The following COL4A3 variants were observed in gnomAD, a reference collection of about 807,000 sequenced individuals.
The protein encoded by COL4A3 is collagen alpha-3(IV) chain.
A neutral mutation model predicts 217.4 loss-of-function variants in COL4A3; 135 were observed. The observed-to-expected ratio is 0.62, with a 90% CI of 0.54 to 0.72. The LOEUF (loss-of-function observed/expected upper bound fraction) is 0.72, where lower values mean the gene tolerates loss of function less well. Ranked by LOEUF, COL4A3 falls within the 30% of genes least tolerant of loss-of-function variation. COL4A3 has a pLI of 0.00. For synonymous variants in COL4A3, 690 were observed against 736.3 expected, an observed-to-expected ratio of 0.94 and a Z score of 1.02; for missense variants, 1,868 against 2,119.9, an observed-to-expected ratio of 0.88 and a Z score of 2.33.
chr2:227,231,870 A>G (rs2068425274), intron 1 of COL4A3, among the ~76,000 whole-genome samples: 1 of 151,722 alleles, frequency 6.6e-6, no homozygotes. Context: ...ATTATTGACT[A>G]TAATCACCCT....
chr2:227,202,651 T>C (rs111685116), intron 1 of COL4A3, among the ~76,000 whole-genome samples: 19,642 of 146,674 alleles, frequency 0.13, 1,424 homozygotes, highest in Non-Finnish European at 0.15. Context: ...AGGAGAATGG[T>C]GTGAACCCGG....
chr2:227,177,891 A>G (rs2065737039), intron 1 of COL4A3, among the ~76,000 whole-genome samples: 1 of 152,162 alleles, frequency 6.6e-6, no homozygotes, highest in Non-Finnish European at 1.5e-5. Flanking sequence ...TACTTTACTT[A>G]GCAATGGTTC....
intron 1 of COL4A3, among the ~76,000 whole-genome samples, chr2:227,170,389 A>G (rs1466654327): frequency 6.6e-6 from 1 of 152,134 alleles, no homozygotes; most frequent in Admixed American, 6.6e-5. Context: ...ATTTATGAAG[A>G]AAAAGAGGTT....
chr2:227,314,482 A>G lies in COL4A3; in HGVS notation c.*2612A>G, dbSNP rs1316458433. On this transcript the variant is annotated 3_prime_UTR_variant, in exon 52 of 52. Coordinates refer to ENST00000396578, the MANE Select transcript of COL4A3 (RefSeq NM_000091.5). ...GAATTTCACAGCGTGCTAAAATAAC[A>G]GATTTCTCAGAAGTCTTTCAGCAAG... The G allele has an allele frequency of 2.0e-5, 3 of 152,636 alleles. No individual in the cohort carries two copies. The highest frequency in any genetic ancestry group is 4.4e-5 in the Non-Finnish European group (3 of 68,030). The allele number at this position is 152,636 out of a possible 1,614,324, so 9.5% of individuals were successfully genotyped here. A position where few individuals can be genotyped will look rare whatever the true frequency, so the allele number is the denominator to read the frequency against.
intron 14 of COL4A3, 48 bp from the exon 15 acceptor site, chr2:227,254,607 TA>T: frequency 7.2e-7 from 1 of 1,381,294 alleles, no homozygotes; most frequent in Non-Finnish European, 1.0e-6. Flanking sequence ...TCAATGTAAG[TA>T]AAAAAATCAG....
chr2:227,254,204 T>A, intron 14 of COL4A3, 30 bp downstream of exon 14: 1 of 1,590,348 alleles, frequency 6.3e-7, no homozygotes, highest in South Asian at 1.1e-5. Flanking sequence ...ATTGTCCCCA[T>A]AACACATAAA....
In COL4A3 at chr2:227,308,883, T is replaced by C. The variant is rs755465030; in HGVS notation, c.4463-16T>C. 7.4e-6 allele frequency: 12 copies of C among 1,612,728 alleles called. No homozygotes were observed. Among genetic ancestry groups the C allele is most frequent in the African/African-American group, 1.3e-5 (1 of 74,934 alleles). ...TTAACTTACTGAAAGTGATACTCAG[T>C]CTGATGTTTCATTAGGAACTCTTGG... On this transcript the variant is annotated splice_polypyrimidine_tract_variant and intron_variant, in intron 48 of 51. Transcript: ENST00000396578.
intron 1 of COL4A3, among the ~76,000 whole-genome samples, chr2:227,226,991 G>A (rs2068131396): frequency 6.6e-6 from 1 of 152,118 alleles, no homozygotes; most frequent in Non-Finnish European, 1.5e-5. Context: ...GCAAACTTAT[G>A]GACATTGAGA....
intron 26 of COL4A3, among the ~76,000 whole-genome samples, chr2:227,274,238 A>AAAATAAATAAATAAATAAATAAATAAAT (rs57515255): frequency 2.0e-4 from 29 of 143,830 alleles, no homozygotes; most frequent in Non-Finnish European, 3.6e-4. Context: ...TACTGTCTCA[A>AAAATAAATAAATAAATAAATAAATAAAT]AAATAAATAA....
At chr2:227,297,414 T>A (rs1207667725) in intron 41 of COL4A3, among the ~76,000 whole-genome samples, 7 of 152,080 alleles carry the variant, frequency 4.6e-5, no homozygotes, top group Non-Finnish European at 7.4e-5. Context: ...AATAAGAAAA[T>A]CAAAATTTGT....
chr2:227,218,080 C>CTATATATATATATATA lies in COL4A3; in HGVS notation c.88-19881_88-19866dup, dbSNP rs10606625. 2.6e-3 allele frequency among the ~76,000 whole-genome samples: 303 copies of CTATATATATATATATA among 118,286 alleles called. 3 individuals are homozygous for CTATATATATATATATA. Among genetic ancestry groups the CTATATATATATATATA allele is most frequent in the Admixed American group, 7.9e-3 (87 of 11,076 alleles). The allele number at this position is 118,286 out of a possible 152,430, so 77.6% of individuals were successfully genotyped here. On this transcript the variant is annotated intron_variant, in intron 1 of 51. Coordinates refer to ENST00000396578, the MANE Select transcript of COL4A3 (RefSeq NM_000091.5). The stretch of plus-strand genomic sequence containing the variant: ...ATATATAAAATAACTATATATATAG[C>CTATATATATATATATA]TATATATATATATATATATATAGTT...
chr2:227,227,059 C>T (rs1274824882), intron 1 of COL4A3, among the ~76,000 whole-genome samples: 1 of 152,204 alleles, frequency 6.6e-6, no homozygotes, highest in Non-Finnish European at 1.5e-5. Flanking sequence ...AATTTTGTTT[C>T]AACCATGAAA....
Position 227,202,746 on chromosome 2 carries a change from A to AAT in COL4A3, c.88-35197_88-35196dup, listed in dbSNP as rs56134612. On this transcript the variant is annotated intron_variant, in intron 1 of 51. Transcript: ENST00000396578. ...CGAGAATCCGTCTCTAAAAAAAAAA[A>AAT]ATATATATATATATATATATATATA... Among the ~76,000 whole-genome samples, 138 of 22,180 alleles carry AAT rather than the reference A, an allele frequency of 6.2e-3. 5 individuals carry two copies. The highest frequency in any genetic ancestry group is 0.05 in the Middle Eastern group (2 of 40). The allele number at this position is 22,180 out of a possible 152,430, so 14.6% of individuals were successfully genotyped here.
At chr2:227,243,128 T>G (rs893059049) in intron 3 of COL4A3, among the ~76,000 whole-genome samples, 80 of 152,218 alleles carry the variant, frequency 5.3e-4, no homozygotes, top group African/African-American at 1.9e-3. Flanking sequence ...TCTTCAGCAT[T>G]TCTTTAGAGA....
rs2069201532 is a variant in COL4A3, at chr2:227,244,455, A to C, written c.279+91A>C. ...AATGTCAGAAAGGAGTACACTGTGT[A>C]TGGTTCCATAGATGAAGTTCAAGAA... On this transcript the variant is annotated intron_variant, in intron 4 of 51. Coordinates refer to ENST00000396578, the MANE Select transcript of COL4A3 (RefSeq NM_000091.5). The C allele has an allele frequency of 1.1e-5, 13 of 1,212,346 alleles. No individual in the cohort carries two copies. The South Asian group carries it at 1.6e-4, about 15-fold the overall frequency. The allele number at this position is 1,212,346 out of a possible 1,614,324, so 75.1% of individuals were successfully genotyped here.
At chr2:227,208,765 TACACACACACACACACACACACAC>T (rs60244094) in intron 1 of COL4A3, among the ~76,000 whole-genome samples, 1 of 138,490 alleles carries the variant, frequency 7.2e-6, no homozygotes, top group Non-Finnish European at 1.6e-5. Flanking sequence ...GGCGGTTGGT[TACACACACACACACACACACACAC>T]ACACACACAC....
intron 1 of COL4A3, among the ~76,000 whole-genome samples, chr2:227,199,892 G>A (rs1009836590): frequency 3.3e-5 from 5 of 152,218 alleles, no homozygotes; most frequent in Non-Finnish European, 7.3e-5. Flanking sequence ...AATGTTAATA[G>A]GAAGGCTGCA....
At chr2:227,281,224 T>A (rs1025861342) in intron 31 of COL4A3, among the ~76,000 whole-genome samples, 1 of 152,182 alleles carries the variant, frequency 6.6e-6, no homozygotes, top group Non-Finnish European at 1.5e-5. Context: ...ATATAGTGAG[T>A]TGCTTTGTGT....
intron 37 of COL4A3, among the ~76,000 whole-genome samples, chr2:227,292,287 T>C (rs2072790648): frequency 5.3e-5 from 8 of 152,200 alleles, no homozygotes; most frequent in Admixed American, 5.2e-4. Context: ...AAGCAACTGT[T>C]TACTACTTGG....
Sources: gnomAD v4.1 joint callset for allele counts (sites outside exome capture counted in the v4.1 genomes callset) on GRCh38, gnomAD v4.1.1 for gene constraint, MANE v1.5 for transcripts, NCBI Gene and HGNC (gene_info 2026-07-23, HGNC 2026-07-21) for gene names.